The following ITIH2 variants were observed in gnomAD, a reference collection of about 807,000 sequenced individuals.
The protein encoded by ITIH2 is inter-alpha-trypsin inhibitor heavy chain 2.
In ITIH2, 103 loss-of-function variants were observed where a neutral mutation model predicts 104.4. The observed-to-expected ratio is 0.99, with a 90% CI of 0.84 to 1.16. The LOEUF is 1.16. Among genes scored for constraint, ITIH2 ranks in the 50% most tolerant of loss-of-function variants. The probability of loss-of-function intolerance (pLI) is 0.00; values close to 1 mark genes in which losing one functional copy is unlikely to be tolerated. For synonymous variants in ITIH2, 436 were observed against 435.4 expected (o/e 1.00, Z -0.02); for missense variants, 1,108 against 1,162.4 (o/e 0.95, Z 0.68).
chr10:7,732,507 G>A, intron 14 of ITIH2, 30 bp downstream of exon 14: 1 of 1,596,180 alleles, frequency 6.3e-7, no homozygotes, highest in South Asian at 1.1e-5. Context: ...CACACCACGA[G>A]ATCTGCAAAA....
chr10:7,709,269 C>A (rs1834774763), intron 4 of ITIH2, 78 bp downstream of exon 4: 2 of 1,338,944 alleles, frequency 1.5e-6, no homozygotes, highest in Non-Finnish European at 2.1e-6. Flanking sequence ...TTAGAATGGA[C>A]TTTAGTGGTC....
intron 3 of ITIH2, among the ~76,000 whole-genome samples, chr10:7,707,945 C>T (rs11255299): frequency 0.034 from 5,145 of 152,268 alleles, 259 homozygotes; most frequent in African/African-American, 0.11. Context: ...AAACACAAAA[C>T]GGCCCAGTTC....
At chr10:7,727,868 C>T in intron 11 of ITIH2, 40 bp downstream of exon 11, 1 of 1,610,362 alleles carries the variant, frequency 6.2e-7, no homozygotes, top group Non-Finnish European at 8.5e-7. Context: ...AACACTTTCA[C>T]TGTTGTTTCT....
Position 7,743,238 on chromosome 10 carries a change from C to T in ITIH2, c.2188C>T (p.Leu730=). The T allele has an allele frequency of 6.3e-7, 1 of 1,580,312 alleles. No homozygotes were observed. The highest frequency in any genetic ancestry group is 1.8e-5 in the Admixed American group (1 of 56,570). The part of the protein sequence containing the change: ...IDSEPGKILN[L]VSDPESGIVV... ...CTCAGAACCTGGAAAAATCCTCAACCTGGTTTCTGACCCAGAATCAGGTAA... is the reference window on the plus strand; with the variant it reads ...CTCAGAACCTGGAAAAATCCTCAACTTGGTTTCTGACCCAGAATCAGGTAA... The change falls in exon 17 of 21, where the codon CTG becomes TTG. Residue 730 remains leucine (L), a synonymous_variant. Transcript: ENST00000358415.
intron 9 of ITIH2, among the ~76,000 whole-genome samples, chr10:7,726,073 T>C (rs1463972598): frequency 3.3e-5 from 5 of 152,180 alleles, no homozygotes; most frequent in Non-Finnish European, 7.4e-5. Context: ...ATTAGCATCA[T>C]TGGTGACCTT....
chr10:7,705,217 A>G (rs756783460), intron 2 of ITIH2, 35 bp downstream of exon 2: 2 of 1,372,594 alleles, frequency 1.5e-6, no homozygotes, highest in African/African-American at 2.9e-5. Context: ...GGGGGAAAAA[A>G]AGTGAAAGAG....
At position 7,726,970 on chromosome 10, in the gene ITIH2, C is replaced by T. The variant is rs200104158; in HGVS notation, c.1005C>T (p.Thr335=). 6.2e-7 allele frequency: 1 copy of T among 1,612,046 alleles called. No individual in the cohort carries two copies. Among genetic ancestry groups the T allele is most frequent in the East Asian group, 2.2e-5 (1 of 44,836 alleles). The change falls in exon 10 of 21, where the codon ACC becomes ACT. Residue 335 remains threonine (T), a synonymous_variant. Coordinates refer to ENST00000358415, the MANE Select transcript of ITIH2 (RefSeq NM_002216.3). The stretch of plus-strand genomic sequence containing the variant: ...AATAGACTGTGGAAGCAATGAAGAC[C>T]ATATTGGATGACCTCAGAGCAGAAG... ...KMKQTVEAMK[T]ILDDLRAEDH...
At position 7,708,876 on chromosome 10, in the gene ITIH2, A is replaced by G. The variant is rs567734516; in HGVS notation, c.193-146A>G. On this transcript the variant is annotated intron_variant, in intron 3 of 20. Transcript: ENST00000358415. ...AAGTTAGGAGAATGCTTAACCATACATGAATTCTGTCCTTACCAAGGCCCT... is the reference window on the plus strand; with the variant it reads ...AAGTTAGGAGAATGCTTAACCATACGTGAATTCTGTCCTTACCAAGGCCCT... The G allele has an allele frequency of 1.2e-4, 82 of 700,526 alleles. 1 individual carries two copies. The South Asian group carries it at 1.2e-3, about 11-fold the overall frequency. The allele number at this position is 700,526 out of a possible 1,614,324, so 43.4% of individuals were successfully genotyped here.
chr10:7,727,679 C>A (rs377542536), intron 10 of ITIH2, 24 bp from the exon 11 acceptor site: 2 of 1,612,634 alleles, frequency 1.2e-6, no homozygotes, highest in Non-Finnish European at 1.7e-6. Context: ...GCATACCCAA[C>A]GTTTCATTAT....
chr10:7,712,049 G>C (rs1834800801), intron 4 of ITIH2, among the ~76,000 whole-genome samples: 1 of 152,112 alleles, frequency 6.6e-6, no homozygotes, highest in South Asian at 2.1e-4. Flanking sequence ...CCTTGGCAGG[G>C]GACCCACCAG....
At chr10:7,740,160 T>G (rs550612064) in intron 16 of ITIH2, among the ~76,000 whole-genome samples, 6 of 152,328 alleles carry the variant, frequency 3.9e-5, no homozygotes, top group African/African-American at 1.2e-4. Context: ...CACTCCAGCC[T>G]GGGCGACAGA....
At chr10:7,724,983 C>T (rs1039513410) in intron 9 of ITIH2, among the ~76,000 whole-genome samples, 5 of 152,040 alleles carry the variant, frequency 3.3e-5, no homozygotes, top group African/African-American at 4.8e-5. Context: ...ATGTGTCATA[C>T]ACTTAGTTCA....
intron 19 of ITIH2, among the ~76,000 whole-genome samples, chr10:7,746,050 G>A (rs1338563584): frequency 1.1e-4 from 12 of 106,762 alleles, no homozygotes; most frequent in African/African-American, 2.2e-4. Context: ...CACCACACCC[G>A]GCCCCAAATC....
At chr10:7,709,213 C>A (rs1025138134) in intron 4 of ITIH2, 22 bp downstream of exon 4, 6 of 1,607,598 alleles carry the variant, frequency 3.7e-6, no homozygotes, top group African/African-American at 2.7e-5. Context: ...CTGTGTAGAG[C>A]CAGAAATTGT....
At position 7,707,193 on chromosome 10, in the gene ITIH2, T is replaced by G; in HGVS notation, c.160-8T>G. The G allele has an allele frequency of 7.5e-6, 12 of 1,599,690 alleles. No individual in the cohort carries two copies. The highest frequency in any genetic ancestry group is 1.0e-5 in the Non-Finnish European group (12 of 1,168,396). ...GTTGAAGAATGATTGTCTAACTTCC[T>G]TTCACAGAGAAGCCTTCCAGGAGAA... On this transcript the variant is annotated splice_region_variant and splice_polypyrimidine_tract_variant and intron_variant, in intron 2 of 20. Transcript: ENST00000358415.
intron 14 of ITIH2, among the ~76,000 whole-genome samples, chr10:7,733,963 G>A (rs999896596): frequency 5.3e-5 from 8 of 151,728 alleles, no homozygotes; most frequent in African/African-American, 1.7e-4. Flanking sequence ...CACACTAGAT[G>A]TATTTACAGG....
At chr10:7,707,383 A>T in intron 3 of ITIH2, 150 bp downstream of exon 3, 1 of 627,610 alleles carries the variant, frequency 1.6e-6, no homozygotes, top group Non-Finnish European at 2.8e-6. Context: ...AGTGTTTCTA[A>T]AATTCAGCAT....
intron 6 of ITIH2, among the ~76,000 whole-genome samples, chr10:7,718,982 A>T (rs1834876709): frequency 6.6e-6 from 1 of 152,144 alleles, no homozygotes; most frequent in Non-Finnish European, 1.5e-5. Context: ...TCTTTGCTCA[A>T]ATCTTTGTGA....
Position 7,740,967 on chromosome 10 carries a change from G to A in ITIH2, c.2096-2179G>A, listed in dbSNP as rs147452601. Among the ~76,000 whole-genome samples, 70 of 152,218 alleles carry A rather than the reference G, an allele frequency of 4.6e-4. No homozygotes were observed. The Middle Eastern group carries it at 0.017, about 37-fold the overall frequency. ...CTGACTCATTTAAACATGATGCTTC[G>A]TTTCTGTTGTCTTGAATTATGTCAA... is the stretch of plus-strand genomic sequence containing the variant. On this transcript the variant is annotated intron_variant, in intron 16 of 20. Coordinates refer to ENST00000358415, the MANE Select transcript of ITIH2 (RefSeq NM_002216.3).
Sources: allele counts gnomAD v4.1 joint callset (sites outside exome capture counted in the v4.1 genomes callset), GRCh38; gene constraint gnomAD v4.1.1; transcripts MANE v1.5; gene names NCBI Gene and HGNC (gene_info 2026-07-23, HGNC 2026-07-21).